The following GALNT2 variants were observed in gnomAD, a reference collection of about 807,000 sequenced individuals.
The protein encoded by GALNT2 is polypeptide N-acetylgalactosaminyltransferase 2.
In GALNT2, 31 loss-of-function variants were observed where a neutral mutation model predicts 81.4. That is an observed-to-expected ratio of 0.38 (90% CI 0.29 to 0.51). The LOEUF (loss-of-function observed/expected upper bound fraction) is 0.51, where lower values mean the gene tolerates loss of function less well. Ranked by LOEUF, GALNT2 falls within the 20% of genes least tolerant of loss-of-function variation. GALNT2 has a pLI of 0.87. For synonymous variants in GALNT2, 303 were observed against 287.4 expected (o/e 1.05, Z -0.55); for missense variants, 629 against 765.7 (o/e 0.82, Z 2.11).
chr1:230,228,855 T>A (rs1314666889), intron 3 of GALNT2, among the ~76,000 whole-genome samples: 1 of 152,226 alleles, frequency 6.6e-6, no homozygotes, highest in Non-Finnish European at 1.5e-5. Context: ...ACTGAATTTA[T>A]GGATTAGTTT....
chr1:230,219,331 T>A (rs760692141), intron 3 of GALNT2, among the ~76,000 whole-genome samples: 11 of 152,146 alleles, frequency 7.2e-5, no homozygotes, highest in Non-Finnish European at 1.6e-4. Context: ...CGTATGTTGC[T>A]CTGGGCTAGA....
At chr1:230,211,667 G>A (rs192930647) in intron 3 of GALNT2, among the ~76,000 whole-genome samples, 52 of 152,258 alleles carry the variant, frequency 3.4e-4, no homozygotes, top group Non-Finnish European at 2.9e-5. Flanking sequence ...CAGCCGCTTG[G>A]GAGGCTGAAA....
intron 1 of GALNT2, among the ~76,000 whole-genome samples, chr1:230,101,591 GGTGTTTTA>G: frequency 6.6e-6 from 1 of 152,200 alleles, no homozygotes; most frequent in Non-Finnish European, 1.5e-5. Context: ...CAGTCCCAGT[GGTGTTTTA>G]ACAACTTTTC....
chr1:230,237,401 A>G (rs1269786872), intron 6 of GALNT2, among the ~76,000 whole-genome samples: 2 of 152,216 alleles, frequency 1.3e-5, no homozygotes, highest in East Asian at 3.9e-4. Context: ...GTTGGGAGAA[A>G]TCTTTCAGTA....
At chr1:230,177,963 A>T (rs1467724830) in intron 1 of GALNT2, among the ~76,000 whole-genome samples, 1 of 152,184 alleles carries the variant, frequency 6.6e-6, no homozygotes, top group Non-Finnish European at 1.5e-5. Context: ...TCCCACAGAT[A>T]AGCAATACAA....
At chr1:230,141,152 G>T (rs1661718203) in intron 1 of GALNT2, among the ~76,000 whole-genome samples, 1 of 152,176 alleles carries the variant, frequency 6.6e-6, no homozygotes, top group African/African-American at 2.4e-5. Flanking sequence ...AGTAGGAACT[G>T]ATTTATTTTG....
At chr1:230,110,719 T>G (rs1660676363) in intron 1 of GALNT2, among the ~76,000 whole-genome samples, 1 of 151,580 alleles carries the variant, frequency 6.6e-6, no homozygotes. Flanking sequence ...TTTCTGTTTT[T>G]TTTTTTTTTG....
In GALNT2 at chr1:230,067,369, C is replaced by T. The variant is rs753282220; in HGVS notation, c.89C>T (p.Ala30Val). 2.0e-5 allele frequency: 26 copies of T among 1,330,326 alleles called. 1 individual carries two copies. The highest frequency in any genetic ancestry group is 1.8e-4 in the South Asian group (9 of 50,766). 82.4% of individuals were successfully genotyped at this position (1,330,326 alleles called of 1,614,324 possible). A position where few individuals can be genotyped will look rare whatever the true frequency, so the allele number is the denominator to read the frequency against. Residue 30 changes from alanine to valine, a missense_variant, in exon 1 of 16, where the codon GCG becomes GTG. This residue lies in a region of GALNT2 where 62 missense variants were observed against 47.3 expected (regional missense o/e 1.31). Transcript: ENST00000366672. ...TACATGTACTCGGGGGGCGGCTCTG[C>T]GCTGGCCGGGGGCGCGGGCGGCGGC... ...AYYMYSGGGSALAGGAGGGAG... is the reference protein window; with the variant it reads ...AYYMYSGGGSVLAGGAGGGAG...
Position 230,243,293 on chromosome 1 carries a change from C to T in GALNT2, c.608-13C>T. 6.3e-7 allele frequency: 1 copy of T among 1,589,210 alleles called. No homozygotes were observed. The highest frequency in any genetic ancestry group is 8.5e-7 in the Non-Finnish European group (1 of 1,170,168). Reference sequence around the variant, plus strand: ...TTCTCTCTCCTGACGTGCTTTCCAACTCGCCTCTGCAGGCCTCATGCGCTC... The same window carrying T: ...TTCTCTCTCCTGACGTGCTTTCCAATTCGCCTCTGCAGGCCTCATGCGCTC... On this transcript the variant is annotated splice_polypyrimidine_tract_variant and intron_variant, in intron 6 of 15. Transcript: ENST00000366672. This position sits in a 1 kb window ranked among gnomAD's most constrained non-coding sequence, Gnocchi z 4.2.
At chr1:230,162,984 A>G (rs1662482234) in intron 1 of GALNT2, among the ~76,000 whole-genome samples, 2 of 152,184 alleles carry the variant, frequency 1.3e-5, no homozygotes, top group African/African-American at 2.4e-5. Context: ...ACATTAAATC[A>G]ATGTGTATGC....
At chr1:230,101,408 G>A (rs974616427) in intron 1 of GALNT2, among the ~76,000 whole-genome samples, 1 of 152,234 alleles carries the variant, frequency 6.6e-6, no homozygotes, top group East Asian at 1.9e-4. Context: ...ATGCCCCCGT[G>A]TTCTGGTCAC....
rs763593618 is a variant in GALNT2, at chr1:230,193,299, C to T, written c.221-9838C>T. Among the ~76,000 whole-genome samples the T allele has an allele frequency of 5.9e-5, 9 of 152,186 alleles. No individual in the cohort carries two copies. The highest frequency in any genetic ancestry group is 2.6e-4 in the Admixed American group (4 of 15,280). ...CTGAGACTCTCAGTTTCCTGCACAACGGGACCTGCATCCAGGAAGATACCT... is the reference window on the plus strand; with the variant it reads ...CTGAGACTCTCAGTTTCCTGCACAATGGGACCTGCATCCAGGAAGATACCT... On this transcript the variant is annotated intron_variant, in intron 2 of 15. Coordinates refer to ENST00000366672, the MANE Select transcript of GALNT2 (RefSeq NM_004481.5). This position sits in a 1 kb window ranked among gnomAD's most constrained non-coding sequence, Gnocchi z 4.3.
At chr1:230,231,990 A>T (rs560940794) in intron 3 of GALNT2, among the ~76,000 whole-genome samples, 1 of 152,380 alleles carries the variant, frequency 6.6e-6, no homozygotes, top group East Asian at 1.9e-4. Context: ...AAGCTCAAGT[A>T]TGAAAGTGCC....
At chr1:230,167,944 A>C (rs1456709721) in intron 1 of GALNT2, among the ~76,000 whole-genome samples, 2 of 137,706 alleles carry the variant, frequency 1.5e-5, no homozygotes. Flanking sequence ...ATCACATGGG[A>C]AATAATTTTC....
intron 10 of GALNT2, among the ~76,000 whole-genome samples, chr1:230,252,600 A>G (rs544158005): frequency 4.5e-4 from 68 of 152,282 alleles, no homozygotes; most frequent in African/African-American, 1.6e-3. Context: ...TGCCTAATTA[A>G]AAAGCCATTG....
intron 6 of GALNT2, among the ~76,000 whole-genome samples, chr1:230,241,222 T>G (rs1388791524): frequency 6.6e-6 from 1 of 152,210 alleles, no homozygotes; most frequent in African/African-American, 2.4e-5. Flanking sequence ...TTTTTTTCTC[T>G]TTGATGTGGT....
At chr1:230,160,846 G>T (rs1472445972) in intron 1 of GALNT2, among the ~76,000 whole-genome samples, 1 of 151,986 alleles carries the variant, frequency 6.6e-6, no homozygotes, top group African/African-American at 2.4e-5. Context: ...TTACAGAAGG[G>T]GATATAATAC....
At chr1:230,167,555 T>A (rs1572041243) in intron 1 of GALNT2, among the ~76,000 whole-genome samples, 2 of 152,346 alleles carry the variant, frequency 1.3e-5, no homozygotes, top group African/African-American at 4.8e-5. Flanking sequence ...TGGGAGATGG[T>A]GGCACCTACT....
intron 2 of GALNT2, among the ~76,000 whole-genome samples, chr1:230,200,414 A>AG (rs1663853844): frequency 6.6e-6 from 1 of 152,026 alleles, no homozygotes; most frequent in Non-Finnish European, 1.5e-5. Flanking sequence ...TAGAACATGA[A>AG]GTCCACAGCA....
Sources: gnomAD v4.1 joint callset for allele counts (sites outside exome capture counted in the v4.1 genomes callset) on GRCh38, gnomAD v4.1.1 for gene constraint, gnomAD v4.1.1 regional missense constraint, Gnocchi (gnomAD v3.1) non-coding constraint, MANE v1.5 for transcripts, NCBI Gene and HGNC (gene_info 2026-07-23, HGNC 2026-07-21) for gene names.